TRAK1: variants seen among roughly 807,000 people sequenced by gnomAD.
TRAK1 encodes trafficking kinesin-binding protein 1.
Under a neutral mutation model 92.1 loss-of-function variants are expected in TRAK1, and 33 were observed. The ratio of observed to expected loss-of-function variants is 0.36; its 90% CI spans 0.27 to 0.48. The LOEUF (loss-of-function observed/expected upper bound fraction) is 0.48, where lower values mean the gene tolerates loss of function less well. Among genes scored for constraint, TRAK1 ranks in the 20% least tolerant of loss-of-function variants. The pLI, the probability that TRAK1 is intolerant of heterozygous loss-of-function variation, is 0.99. For synonymous variants in TRAK1, 521 were observed against 517.3 expected (o/e 1.01, Z -0.10); for missense variants, 1,123 against 1,257.9 (o/e 0.89, Z 1.62).
intron 1 of TRAK1, among the ~76,000 whole-genome samples, chr3:42,117,304 G>T (rs569958102): frequency 6.6e-6 from 1 of 152,172 alleles, no homozygotes; most frequent in South Asian, 2.1e-4. Context: ...GAGGCTGGGC[G>T]TCCTTTCTCC....
intron 2 of TRAK1, among the ~76,000 whole-genome samples, chr3:42,130,459 A>C (rs1045607063): frequency 1.3e-5 from 2 of 152,218 alleles, no homozygotes; most frequent in African/African-American, 4.8e-5. Context: ...GTTTGCTTTT[A>C]CTGTAAAGTA....
intron 2 of TRAK1, among the ~76,000 whole-genome samples, chr3:42,130,245 A>G (rs1352958654): frequency 1.3e-5 from 2 of 151,870 alleles, no homozygotes; most frequent in African/African-American, 4.8e-5. Flanking sequence ...TTAGGTGGCT[A>G]TGCAACTCTT....
At chr3:42,053,095 C>G (rs1288799521) in intron 1 of TRAK1, among the ~76,000 whole-genome samples, 1 of 152,134 alleles carries the variant, frequency 6.6e-6, no homozygotes, top group Non-Finnish European at 1.5e-5. Context: ...CTGTCTGATT[C>G]TTTCCTTCTG....
chr3:42,188,834 G>A (rs1705264727), intron 5 of TRAK1, among the ~76,000 whole-genome samples, 182 bp from the exon 6 acceptor site: 1 of 152,214 alleles, frequency 6.6e-6, no homozygotes, highest in Non-Finnish European at 1.5e-5. Context: ...ATAAAGGGTT[G>A]AGATGTGGGT....
chr3:42,064,516 G>A (rs997333281), intron 1 of TRAK1, among the ~76,000 whole-genome samples: 3 of 152,042 alleles, frequency 2.0e-5, no homozygotes, highest in African/African-American at 7.2e-5. Flanking sequence ...CTAGAATCTA[G>A]GAAGCTACCA....
At chr3:42,023,132 TG>T (rs1701783783) in intron 1 of TRAK1, among the ~76,000 whole-genome samples, 2 of 114,856 alleles carry the variant, frequency 1.7e-5, no homozygotes, top group Admixed American at 2.6e-4. Context: ...CACTCCAGCC[TG>T]GGCGACAGAG....
chr3:42,019,451 T>A (rs535587522), intron 1 of TRAK1, among the ~76,000 whole-genome samples: 11 of 152,258 alleles, frequency 7.2e-5, no homozygotes, highest in Non-Finnish European at 1.6e-4. Flanking sequence ...CTTTTTTAAA[T>A]TTTTTTGTAG....
chr3:42,115,193 G>T (rs1372209349), intron 1 of TRAK1, among the ~76,000 whole-genome samples: 2 of 152,248 alleles, frequency 1.3e-5, no homozygotes, highest in East Asian at 1.9e-4. Flanking sequence ...ATAAATTTGT[G>T]TACAATTTTT....
rs115760284 is a variant in TRAK1 at position 42,213,248 on chromosome 3, G to T, written c.1963+3263G>T. 4.1e-3 allele frequency among the ~76,000 whole-genome samples: 630 copies of T among 152,150 alleles called. 4 individuals are homozygous for T. The highest frequency in any genetic ancestry group is 0.014 in the African/African-American group (600 of 41,506). ...ATTTTTTGTATTTTTGTAGAGACAG[G>T]CTTTCACCCTGTTAACCAGGCTGGT... On this transcript the variant is annotated intron_variant, in intron 14 of 15. Coordinates refer to ENST00000327628, the MANE Select transcript of TRAK1 (RefSeq NM_001042646.3).
At chr3:42,198,171 A>G (rs1375405759) in intron 10 of TRAK1, among the ~76,000 whole-genome samples, 4 of 152,154 alleles carry the variant, frequency 2.6e-5, no homozygotes, top group Admixed American at 1.3e-4. Context: ...GTGGGTATCT[A>G]CCATGTGTAA....
At chr3:42,184,514 C>G (rs1300091002) in intron 3 of TRAK1, among the ~76,000 whole-genome samples, 171 bp from the exon 4 acceptor site, 9 of 152,196 alleles carry the variant, frequency 5.9e-5, no homozygotes, top group Non-Finnish European at 7.3e-5. Flanking sequence ...ACTATGTGGG[C>G]AGAGGTTATG....
At chr3:42,092,763 G>GTTATGTTATATTATA (rs67683529) in intron 1 of TRAK1, among the ~76,000 whole-genome samples, 1 of 147,722 alleles carries the variant, frequency 6.8e-6, no homozygotes, top group Non-Finnish European at 1.5e-5. Flanking sequence ...GTTATGTTAT[G>GTTATGTTATATTATA]TTATGTTATT....
chr3:42,079,773 G>A (rs879649857), intron 1 of TRAK1, among the ~76,000 whole-genome samples: 30 of 152,072 alleles, frequency 2.0e-4, no homozygotes, highest in Non-Finnish European at 4.0e-4. Flanking sequence ...GAGCCACTGC[G>A]CCCTGCTGGA....
At chr3:42,089,316 C>T (rs144613211), upstream of TRAK1, among the ~76,000 whole-genome samples, 1,313 of 152,258 alleles carry the variant, frequency 8.6e-3, 17 homozygotes, top group African/African-American at 0.029. Flanking sequence ...CCTGGATGAC[C>T]GCACTGGCCT....
At chr3:42,038,923 TA>T (rs972781783) in intron 1 of TRAK1, among the ~76,000 whole-genome samples, 18 of 151,970 alleles carry the variant, frequency 1.2e-4, no homozygotes, top group Non-Finnish European at 1.9e-4. Context: ...ATTGATTTTT[TA>T]AAAATCAGCC....
chr3:42,183,858 G>T (rs1373438842), intron 3 of TRAK1, among the ~76,000 whole-genome samples: 2 of 152,136 alleles, frequency 1.3e-5, no homozygotes, highest in Non-Finnish European at 2.9e-5. Context: ...TTTGCTGATG[G>T]CGTCTGTCCA....
chr3:42,103,623 G>T (rs1395046442), intron 1 of TRAK1, among the ~76,000 whole-genome samples: 2 of 152,120 alleles, frequency 1.3e-5, no homozygotes, highest in Non-Finnish European at 2.9e-5. Flanking sequence ...ACATTTTATG[G>T]CTGGGCTCGT....
At chr3:42,052,808 C>T (rs1236165182) in intron 1 of TRAK1, among the ~76,000 whole-genome samples, 2 of 152,158 alleles carry the variant, frequency 1.3e-5, no homozygotes, top group East Asian at 3.9e-4. Context: ...AGTCCCGTGA[C>T]ACCACAGTGT....
intron 10 of TRAK1, among the ~76,000 whole-genome samples, chr3:42,198,566 G>A (rs550740445): frequency 2.6e-5 from 4 of 152,246 alleles, no homozygotes; most frequent in South Asian, 4.2e-4. Context: ...ATGGCAGTGC[G>A]TGTGACTCAC....
Sources: allele counts gnomAD v4.1 joint callset (sites outside exome capture counted in the v4.1 genomes callset), GRCh38; gene constraint gnomAD v4.1.1; transcripts MANE v1.5; gene names NCBI Gene and HGNC (gene_info 2026-07-23, HGNC 2026-07-21).